The following REEP5 variants were observed in gnomAD, a reference collection of about 807,000 sequenced individuals.
The protein encoded by REEP5 is receptor accessory protein 5.
In REEP5, 24 loss-of-function variants were observed where a neutral mutation model predicts 22.4. The ratio of observed to expected loss-of-function variants is 1.07; its 90% confidence interval spans 0.78 to 1.51. REEP5 has a LOEUF of 1.51. Ranked by LOEUF, REEP5 falls within the 40% of genes most tolerant of loss-of-function variation. The pLI is 0.00. For missense variants in REEP5, 252 were observed against 233.0 expected (o/e 1.08, Z -0.53); for synonymous variants, 103 against 88.6 (o/e 1.16, Z -0.92).
Position 112,892,973 on chromosome 5 carries a change from G to A in REEP5, c.352-5790C>T, listed in dbSNP as rs17135117. On this transcript the variant is annotated intron_variant, in intron 3 of 4. Coordinates refer to ENST00000379638, the MANE Select transcript of REEP5 (RefSeq NM_005669.5). ...GACCAGGGCCGCCGGAGCCAGAGCC[G>A]CAGGAGCCACCGCAGCCGGAGCCAA... The A allele has an allele frequency of 0.014, 22,926 of 1,588,232 alleles. 922 individuals carry two copies. In the East Asian group the frequency reaches 0.15, roughly 10 times the overall value.
At chr5:112,916,631 G>T (rs1769238873) in intron 2 of REEP5, among the ~76,000 whole-genome samples, 1 of 152,082 alleles carries the variant, frequency 6.6e-6, no homozygotes, top group Non-Finnish European at 1.5e-5. Context: ...CTGTTTTTTT[G>T]AAAGGCCTAC....
intron 2 of REEP5, among the ~76,000 whole-genome samples, chr5:112,904,446 G>A (rs1013435667): frequency 8.5e-5 from 13 of 152,142 alleles, no homozygotes; most frequent in Non-Finnish European, 1.0e-4. Context: ...GAGGAGATAC[G>A]TAATTACATT....
intron 1 of REEP5, chr5:112,921,611 C>G (rs1769370032): frequency 3.2e-6 from 1 of 314,366 alleles, no homozygotes; most frequent in East Asian, 7.7e-5. Context: ...CAGCGGGGAG[C>G]GTCCCGAGAG....
intron 3 of REEP5, among the ~76,000 whole-genome samples, chr5:112,898,717 T>C (rs1447669777): frequency 2.0e-5 from 3 of 152,236 alleles, no homozygotes; most frequent in African/African-American, 7.2e-5. Context: ...TACGATTAGA[T>C]GGATCTTATT....
intron 2 of REEP5, among the ~76,000 whole-genome samples, chr5:112,911,894 TAAGAC>T (rs1769111571): frequency 1.3e-5 from 2 of 151,794 alleles, no homozygotes; most frequent in African/African-American, 2.4e-5. Context: ...AAAAAAATAA[TAAGAC>T]AAGGAACAAA....
intron 4 of REEP5, among the ~76,000 whole-genome samples, chr5:112,882,969 A>G (rs1768124446): frequency 6.6e-6 from 1 of 152,138 alleles, no homozygotes; most frequent in Non-Finnish European, 1.5e-5. Flanking sequence ...TGTTACCATA[A>G]ACTTCCAGCT....
intron 4 of REEP5, among the ~76,000 whole-genome samples, chr5:112,884,598 G>A (rs1363020284): frequency 1.3e-5 from 2 of 152,038 alleles, no homozygotes; most frequent in African/African-American, 4.8e-5. Context: ...TCACAAACAA[G>A]CTGGTCTCAA....
At chr5:112,898,883 C>A (rs531881287) in intron 3 of REEP5, among the ~76,000 whole-genome samples, 1 of 152,230 alleles carries the variant, frequency 6.6e-6, no homozygotes, top group African/African-American at 2.4e-5. Flanking sequence ...TTATTTTCTT[C>A]CATCAGTTTT....
At chr5:112,915,654 T>C (rs950567984) in intron 2 of REEP5, among the ~76,000 whole-genome samples, 3 of 152,202 alleles carry the variant, frequency 2.0e-5, no homozygotes, top group Admixed American at 2.0e-4. Flanking sequence ...GCCTGTTATA[T>C]TTTTTATCCA....
chr5:112,899,452 C>T (rs1768794317), intron 3 of REEP5, among the ~76,000 whole-genome samples: 1 of 152,100 alleles, frequency 6.6e-6, no homozygotes, highest in African/African-American at 2.4e-5. Context: ...TCCTGTATAA[C>T]TTTTCATAAT....
intron 3 of REEP5, chr5:112,898,274 A>T (rs1431222903): frequency 6.6e-6 from 1 of 152,234 alleles, no homozygotes; most frequent in African/African-American, 2.4e-5. Context: ...CTAATGTAGG[A>T]AGAAAGTATT....
At chr5:112,904,701 CTT>C (rs1236726665) in intron 2 of REEP5, among the ~76,000 whole-genome samples, 1 of 152,156 alleles carries the variant, frequency 6.6e-6, no homozygotes, top group Non-Finnish European at 1.5e-5. Context: ...AAAATATAAA[CTT>C]AAATAGATAT....
chr5:112,880,966 TA>T (rs897568488), intron 4 of REEP5, among the ~76,000 whole-genome samples: 1 of 151,794 alleles, frequency 6.6e-6, no homozygotes, highest in African/African-American at 2.4e-5. Flanking sequence ...GTGTCTCTAC[TA>T]AAAATACAAG....
chr5:112,899,392 G>T (rs1192747415), intron 3 of REEP5, among the ~76,000 whole-genome samples: 2 of 151,936 alleles, frequency 1.3e-5, no homozygotes, highest in Non-Finnish European at 2.9e-5. Context: ...CAGTCCTTCT[G>T]CCTTGGCCTC....
At chr5:112,917,199 G>C (rs1014794303) in intron 2 of REEP5, among the ~76,000 whole-genome samples, 11 of 152,182 alleles carry the variant, frequency 7.2e-5, no homozygotes, top group Non-Finnish European at 1.2e-4. Flanking sequence ...TTACAGATGT[G>C]GGCCATCATG....
At chr5:112,908,313 A>G (rs468101) in intron 2 of REEP5, among the ~76,000 whole-genome samples, 56,210 of 151,660 alleles carry the variant, frequency 0.37, 10,821 homozygotes, top group African/African-American at 0.47. Context: ...ATGTTGGCCA[A>G]GTTGGTCTCA....
At position 112,878,657 on chromosome 5, in the gene REEP5, C is replaced by A; in HGVS notation, c.*129G>T. The A allele has an allele frequency of 7.5e-7, 1 of 1,333,456 alleles. No individual in the cohort carries two copies. The highest frequency in any genetic ancestry group is 1.5e-5 in the African/African-American group (1 of 67,588). 82.6% of individuals were successfully genotyped at this position (1,333,456 alleles called of 1,614,324 possible). A position where few individuals can be genotyped will look rare whatever the true frequency, so the allele number is the denominator to read the frequency against. On this transcript the variant is annotated 3_prime_UTR_variant, in exon 5 of 5. Transcript: ENST00000379638. ...TAAGCAAAGAAACTTACAACACATT[C>A]CAATCTTTAATATCTCAAAAATGTT...
Position 112,877,279 on chromosome 5 carries a change from T to C in REEP5, c.*1507A>G, listed in dbSNP as rs1767926788. On this transcript the variant is annotated 3_prime_UTR_variant, in exon 5 of 5. Transcript: ENST00000379638. ...TTGTTATGATCTTACCTGATTGTTA[T>C]CTCAAGGTGAGCTAATCATCTTTAT... is the stretch of plus-strand genomic sequence containing the variant. 1 of 152,228 alleles carries C rather than the reference T, an allele frequency of 6.6e-6. No individual in the cohort carries two copies. The highest frequency in any genetic ancestry group is 1.5e-5 in the Non-Finnish European group (1 of 68,030). 9.4% of individuals were successfully genotyped at this position (152,228 alleles called of 1,614,324 possible). A position where few individuals can be genotyped will look rare whatever the true frequency, so the allele number is the denominator to read the frequency against.
chr5:112,884,840 C>T (rs1768193148), intron 4 of REEP5, among the ~76,000 whole-genome samples: 1 of 151,418 alleles, frequency 6.6e-6, no homozygotes. Flanking sequence ...AATATACTAT[C>T]TAATTTTCAA....
Sources: allele counts gnomAD v4.1 joint callset (sites outside exome capture counted in the v4.1 genomes callset), GRCh38; gene constraint gnomAD v4.1.1; transcripts MANE v1.5; gene names NCBI Gene and HGNC (gene_info 2026-07-23, HGNC 2026-07-21).